Variants in ERCC5 observed in about 807,000 individuals in gnomAD.
ERCC5 encodes ERCC excision repair 5, endonuclease.
Under a neutral mutation model 105.6 loss-of-function variants are expected in ERCC5, and 68 were observed. The observed-to-expected ratio is 0.64, with a 90% CI of 0.53 to 0.79. The LOEUF (loss-of-function observed/expected upper bound fraction) is 0.79, where lower values mean the gene tolerates loss of function less well. ERCC5 is among the 30% of genes least tolerant of loss of function. The pLI, the probability that ERCC5 is intolerant of heterozygous loss-of-function variation, is 0.00. For synonymous variants in ERCC5, 546 were observed against 526.2 expected (o/e 1.04, Z -0.51); for missense variants, 1,373 against 1,426.7 (o/e 0.96, Z 0.61).
At chr13:102,867,421 G>C (rs3932537) in intron 11 of ERCC5, among the ~76,000 whole-genome samples, 1 of 152,228 alleles carries the variant, frequency 6.6e-6, no homozygotes, top group Non-Finnish European at 1.5e-5. Flanking sequence ...GGCTTTACTC[G>C]TGTAACTTCA....
At chr13:102,848,202 G>A (rs1451983468) in intron 1 of ERCC5, among the ~76,000 whole-genome samples, 1 of 152,210 alleles carries the variant, frequency 6.6e-6, no homozygotes, top group Non-Finnish European at 1.5e-5. Flanking sequence ...ACTCGTTTAT[G>A]TCAAAGGAGT....
Position 102,861,647 on chromosome 13 carries a change from C to T in ERCC5, c.813C>T (p.Gly271=), listed in dbSNP as rs757662305. Residue 271 remains glycine (G), a synonymous_variant, in exon 7 of 15, where the codon GGC becomes GGT. Transcript: ENST00000652225. The part of the protein sequence containing the change: ...HIRRQYEDEG[G]FLKEVESRRV... ...GAAGGCAGTATGAAGATGAAGGGGGCTTTCTGAAGGAGGTAGAGTCAAGGA... is the reference window on the plus strand; with the variant it reads ...GAAGGCAGTATGAAGATGAAGGGGGTTTTCTGAAGGAGGTAGAGTCAAGGA... 1.2e-5 allele frequency: 20 copies of T among 1,613,968 alleles called. No individual in the cohort carries two copies. Among genetic ancestry groups the T allele is most frequent in the Admixed American group, 3.3e-5 (2 of 59,998 alleles).
In ERCC5 at chr13:102,846,063, T is replaced by G. The variant is rs1013428126; in HGVS notation, c.-204T>G. ...GGAGGCGGTGACAGCTGCTGAGACG[T>G]GTTGCAGCCAGAGTCTCTCCGCTTT... On this transcript the variant is annotated 5_prime_UTR_variant, in exon 1 of 15. Transcript: ENST00000652225. The G allele has an allele frequency of 6.8e-6, 4 of 585,798 alleles. No individual in the cohort carries two copies. In the East Asian group the frequency reaches 1.1e-4, roughly 16 times the overall value. The allele number at this position is 585,798 out of a possible 1,614,324, so 36.3% of individuals were successfully genotyped here.
chr13:102,864,594 G>A (rs536114147), intron 8 of ERCC5: 33 of 152,128 alleles, frequency 2.2e-4, no homozygotes, highest in Admixed American at 2.1e-3. Flanking sequence ...ATTATATTTT[G>A]AGCTTTTCCT....
At chr13:102,847,695 G>GT (rs890515730) in intron 1 of ERCC5, among the ~76,000 whole-genome samples, 2 of 151,996 alleles carry the variant, frequency 1.3e-5, no homozygotes, top group African/African-American at 4.8e-5. Context: ...TTTGTTTTTT[G>GT]TTTTTTAGAG....
intron 6 of ERCC5, 57 bp downstream of exon 6, chr13:102,858,475 T>C: frequency 6.2e-7 from 1 of 1,612,594 alleles, no homozygotes; most frequent in East Asian, 2.2e-5. Context: ...CAAAACTTTT[T>C]ATTAGAAAGA....
intron 5 of ERCC5, among the ~76,000 whole-genome samples, chr13:102,857,276 G>A (rs1440910033): frequency 1.3e-5 from 2 of 152,162 alleles, no homozygotes; most frequent in African/African-American, 2.4e-5. Context: ...CATGGGCCTC[G>A]TGGTCAAAAA....
In ERCC5 at chr13:102,862,598, T is replaced by C. The variant is rs1056247322; in HGVS notation, c.1449T>C (p.Thr483=). 6.2e-7 allele frequency: 1 copy of C among 1,614,056 alleles called. No homozygotes were observed. Among genetic ancestry groups the C allele is most frequent in the African/African-American group, 1.3e-5 (1 of 74,924 alleles). ...KEQMSLVHVG[T]EAFPISDESM... The stretch of plus-strand genomic sequence containing the variant: ...AAATGTCACTTGTTCACGTGGGGAC[T>C]GAAGCCTTTCCGATAAGTGATGAGT... The change falls in exon 8 of 15, where the codon ACT becomes ACC. Residue 483 remains threonine (T), a synonymous_variant. Coordinates refer to ENST00000652225, the MANE Select transcript of ERCC5 (RefSeq NM_000123.4).
rs894176890 is a variant in ERCC5, at chr13:102,865,017, C to T, written c.1955-650C>T. On this transcript the variant is annotated intron_variant, in intron 8 of 14. Coordinates refer to ENST00000652225, the MANE Select transcript of ERCC5 (RefSeq NM_000123.4). This position sits in a 1 kb window ranked among gnomAD's most constrained non-coding sequence, Gnocchi z 4.0. The stretch of plus-strand genomic sequence containing the variant: ...TCCCTGGATATGTAACCATCTCCCC[C>T]TCCCACTGGCCTCCTCCTTGGCCCT... 1 of 154,018 alleles carries T rather than the reference C, an allele frequency of 6.5e-6. No individual in the cohort carries two copies. The highest frequency in any genetic ancestry group is 1.4e-5 in the Non-Finnish European group (1 of 69,290). The allele number at this position is 154,018 out of a possible 1,614,324, so 9.5% of individuals were successfully genotyped here.
At chr13:102,850,889 A>G (rs1267490902) in intron 1 of ERCC5, among the ~76,000 whole-genome samples, 1 of 152,160 alleles carries the variant, frequency 6.6e-6, no homozygotes, top group South Asian at 2.1e-4. Flanking sequence ...GGCCTGAGAA[A>G]GATCACTGAT....
At position 102,861,645 on chromosome 13, in the gene ERCC5, G is replaced by C. The variant is rs187564382; in HGVS notation, c.811G>C (p.Gly271Arg). The change falls in exon 7 of 15, where the codon GGC becomes CGC. Residue 271 changes from glycine (G) to arginine (R), a missense_variant. Transcript: ENST00000652225. ...HIRRQYEDEG[G>R]FLKEVESRRV... is the part of the protein sequence containing the mutation. ...CCGAAGGCAGTATGAAGATGAAGGGGGCTTTCTGAAGGAGGTAGAGTCAAG... is the reference window on the plus strand; with the variant it reads ...CCGAAGGCAGTATGAAGATGAAGGGCGCTTTCTGAAGGAGGTAGAGTCAAG... 1 of 1,613,952 alleles carries C rather than the reference G, an allele frequency of 6.2e-7. No homozygotes were observed. The highest frequency in any genetic ancestry group is 2.2e-5 in the East Asian group (1 of 44,884).
At chr13:102,855,552 A>G (rs1225715430) in intron 4 of ERCC5, among the ~76,000 whole-genome samples, 7 of 152,178 alleles carry the variant, frequency 4.6e-5, no homozygotes, top group African/African-American at 1.7e-4. Flanking sequence ...CACGCAGCTT[A>G]GCTTCTCATT....
intron 14 of ERCC5, among the ~76,000 whole-genome samples, chr13:102,873,737 A>G (rs1883107046): frequency 6.6e-6 from 1 of 152,218 alleles, no homozygotes; most frequent in Admixed American, 6.5e-5. Context: ...TCTATAAACG[A>G]ATCTTGAAAG....
In ERCC5 at chr13:102,862,973, T is replaced by G; in HGVS notation, c.1824T>G (p.Ala608=). ...TGGAAAATGTGGTGTCATTTAATGC[T>G]AAAGAGCATGAGAATTTTCTGGAAA... ...DNVENVVSFN[A]KEHENFLETI... is the part of the protein sequence containing the mutation. Residue 608 remains alanine (A), a synonymous_variant, in exon 8 of 15, where the codon GCT becomes GCG. Coordinates refer to ENST00000652225, the MANE Select transcript of ERCC5 (RefSeq NM_000123.4). 6.2e-7 allele frequency: 1 copy of G among 1,614,236 alleles called. No homozygotes were observed. The highest frequency in any genetic ancestry group is 8.5e-7 in the Non-Finnish European group (1 of 1,180,044).
chr13:102,850,629 A>T (rs901205205), intron 1 of ERCC5, among the ~76,000 whole-genome samples: 2 of 152,198 alleles, frequency 1.3e-5, no homozygotes, highest in African/African-American at 4.8e-5. Flanking sequence ...GATGCCCAGC[A>T]TTCTGGCTCA....
At chr13:102,854,091 C>T (rs530379912) in intron 3 of ERCC5, among the ~76,000 whole-genome samples, 197 bp from the exon 4 acceptor site, 3 of 152,124 alleles carry the variant, frequency 2.0e-5, no homozygotes, top group Non-Finnish European at 2.9e-5. Context: ...AAAAAGCTGT[C>T]GTGTTGCGTC....
At chr13:102,855,416 A>AT in intron 4 of ERCC5, among the ~76,000 whole-genome samples, 1 of 151,838 alleles carries the variant, frequency 6.6e-6, no homozygotes, top group Non-Finnish European at 1.5e-5. Flanking sequence ...CACCTGGCTA[A>AT]TTTTTTGTAT....
intron 12 of ERCC5, among the ~76,000 whole-genome samples, chr13:102,869,944 T>C (rs976112529): frequency 1.3e-5 from 2 of 152,242 alleles, no homozygotes; most frequent in Non-Finnish European, 2.9e-5. Context: ...CATTTTCATA[T>C]TTGAGCAGTT....
At chr13:102,851,598 T>G (rs1310806843) in intron 1 of ERCC5, among the ~76,000 whole-genome samples, 2 of 152,140 alleles carry the variant, frequency 1.3e-5, no homozygotes, top group African/African-American at 4.8e-5. Context: ...CGGCCTATGA[T>G]TAGTTTTTTA....
Sources: gnomAD v4.1 joint callset for allele counts (sites outside exome capture counted in the v4.1 genomes callset) on GRCh38, gnomAD v4.1.1 for gene constraint, Gnocchi (gnomAD v3.1) non-coding constraint, MANE v1.5 for transcripts, NCBI Gene and HGNC (gene_info 2026-07-23, HGNC 2026-07-21) for gene names.